GREB1L: variants seen among roughly 807,000 people sequenced by gnomAD.
GREB1L encodes GREB1 like retinoic acid receptor coactivator.
Under a neutral mutation model 200.8 loss-of-function variants are expected in GREB1L, and 17 were observed. The observed-to-expected ratio is 0.08, with a 90% confidence interval of 0.06 to 0.13. The LOEUF (loss-of-function observed/expected upper bound fraction) is 0.13. GREB1L is among the 10% of genes least tolerant of loss of function. The probability of loss-of-function intolerance (pLI) is 1.00; values close to 1 mark genes in which losing one functional copy is unlikely to be tolerated. For synonymous variants in GREB1L, 789 were observed against 893.0 expected, an observed-to-expected ratio of 0.88 and a Z score of 2.08; for missense variants, 1,657 against 2,367.7, an observed-to-expected ratio of 0.70 and a Z score of 6.23.
chr18:21,434,577 A>G (rs1211664455), intron 7 of GREB1L, among the ~76,000 whole-genome samples: 1 of 150,036 alleles, frequency 6.7e-6, no homozygotes, highest in Admixed American at 6.7e-5. Flanking sequence ...GTGTGTATAT[A>G]TATATATATA....
intron 1 of GREB1L, among the ~76,000 whole-genome samples, chr18:21,292,023 C>G (rs903681050): frequency 6.6e-6 from 1 of 152,122 alleles, no homozygotes; most frequent in Non-Finnish European, 1.5e-5. Flanking sequence ...AAGTATAGAA[C>G]AACATTTGAA....
At chr18:21,262,134 A>G (rs971863041) in intron 1 of GREB1L, among the ~76,000 whole-genome samples, 1 of 152,304 alleles carries the variant, frequency 6.6e-6, no homozygotes, top group African/African-American at 2.4e-5. Context: ...ACGGTCAGAC[A>G]CACTGGTTTT....
intron 24 of GREB1L, 84 bp downstream of exon 24, chr18:21,505,651 C>T (rs891893928): frequency 1.8e-5 from 26 of 1,454,248 alleles, no homozygotes; most frequent in Non-Finnish European, 1.6e-5. Context: ...TTTTCTTTCG[C>T]TCTTATGCGC....
intron 7 of GREB1L, among the ~76,000 whole-genome samples, chr18:21,418,106 T>G (rs1199919197): frequency 6.6e-6 from 1 of 152,166 alleles, no homozygotes; most frequent in African/African-American, 2.4e-5. Context: ...TAATATATTT[T>G]GGGTTTATAA....
chr18:21,298,921 C>T (rs967755340), intron 1 of GREB1L, among the ~76,000 whole-genome samples: 16 of 151,906 alleles, frequency 1.1e-4, no homozygotes, highest in Non-Finnish European at 1.9e-4. Context: ...AGCAACCAAG[C>T]GAGACCCTGT....
At chr18:21,268,560 C>CACACACACACAT (rs1204514384) in intron 1 of GREB1L, among the ~76,000 whole-genome samples, 15 of 63,528 alleles carry the variant, frequency 2.4e-4, no homozygotes, top group Non-Finnish European at 3.0e-4. Flanking sequence ...CACACACACA[C>CACACACACACAT]ATATATATAT....
intron 11 of GREB1L, among the ~76,000 whole-genome samples, chr18:21,448,941 C>T (rs1568020154): frequency 6.6e-6 from 1 of 152,088 alleles, no homozygotes; most frequent in Non-Finnish European, 1.5e-5. Flanking sequence ...ATCATGAAAG[C>T]GTTCTCTATC....
At chr18:21,484,083 TC>T (rs1248317488) in intron 17 of GREB1L, among the ~76,000 whole-genome samples, 1 of 151,908 alleles carries the variant, frequency 6.6e-6, no homozygotes, top group Non-Finnish European at 1.5e-5. Context: ...ACTTACTTTA[TC>T]CCTGGCCCAA....
At chr18:21,469,225 GT>G (rs1024023984) in intron 15 of GREB1L, among the ~76,000 whole-genome samples, 4 of 152,162 alleles carry the variant, frequency 2.6e-5, no homozygotes, top group Non-Finnish European at 5.9e-5. Context: ...ACTAGTAGGA[GT>G]TTGTTAATTA....
intron 7 of GREB1L, among the ~76,000 whole-genome samples, chr18:21,425,530 T>G (rs2032496834): frequency 6.6e-6 from 1 of 152,240 alleles, no homozygotes; most frequent in South Asian, 2.1e-4. Flanking sequence ...GGATTCAAAT[T>G]TCTCCATATC....
chr18:21,245,811 G>A (rs867392440), intron 1 of GREB1L, among the ~76,000 whole-genome samples: 4 of 152,074 alleles, frequency 2.6e-5, no homozygotes, highest in Non-Finnish European at 4.4e-5. Flanking sequence ...TCCGCCTTCC[G>A]GGTTCACGCC....
At chr18:21,281,616 AGACCCTT>A (rs1473160427) in intron 1 of GREB1L, among the ~76,000 whole-genome samples, 1 of 152,248 alleles carries the variant, frequency 6.6e-6, no homozygotes, top group Non-Finnish European at 1.5e-5. Context: ...TGCTATAAAC[AGACCCTT>A]GCATAAAATT....
chr18:21,278,275 G>T (rs976182277), intron 1 of GREB1L, among the ~76,000 whole-genome samples: 4 of 151,692 alleles, frequency 2.6e-5, no homozygotes, highest in African/African-American at 9.7e-5. Flanking sequence ...AGCTGCTTGG[G>T]AGGGTGAGGC....
At position 21,505,943 on chromosome 18, in the gene GREB1L, C is replaced by T. The variant is rs1233669540; in HGVS notation, c.4362C>T (p.Ala1454=). The change falls in exon 25 of 33, where the codon GCC becomes GCT. Residue 1454 remains alanine, a synonymous_variant. Transcript: ENST00000424526. Reference sequence around the variant, plus strand: ...GCCAGTACATGGACTTCACCTCTGCCTCCCAGGTACCATCCCACCTTCGCC... The same window carrying T: ...GCCAGTACATGGACTTCACCTCTGCTTCCCAGGTACCATCCCACCTTCGCC... ...QCRQYMDFTS[A]SQMSDSTLHA... is the part of the protein sequence containing the mutation. 3 of 1,551,482 alleles carry T rather than the reference C, an allele frequency of 1.9e-6. No homozygotes were observed. In the East Asian group the frequency reaches 7.3e-5, roughly 38 times the overall value.
At chr18:21,396,473 G>A (rs1223039318) in intron 5 of GREB1L, among the ~76,000 whole-genome samples, 2 of 152,130 alleles carry the variant, frequency 1.3e-5, no homozygotes, top group African/African-American at 4.8e-5. Context: ...ACTCTCTATA[G>A]TCATTGATAT....
At chr18:21,305,591 A>G (rs1233836470) in intron 1 of GREB1L, among the ~76,000 whole-genome samples, 1 of 152,080 alleles carries the variant, frequency 6.6e-6, no homozygotes, top group Non-Finnish European at 1.5e-5. Context: ...CTGTTACTTG[A>G]CTGACTACAA....
chr18:21,400,537 G>T (rs2041273787), intron 5 of GREB1L, among the ~76,000 whole-genome samples: 1 of 152,174 alleles, frequency 6.6e-6, no homozygotes, highest in African/African-American at 2.4e-5. Context: ...ATGGTTCTTG[G>T]TTCCCGTACC....
chr18:21,442,722 A>T (rs952221471), intron 10 of GREB1L, among the ~76,000 whole-genome samples: 1 of 152,052 alleles, frequency 6.6e-6, no homozygotes, highest in African/African-American at 2.4e-5. Flanking sequence ...AGGAACAGGG[A>T]TCTCCAAGCA....
At chr18:21,468,000 G>A (rs1277222452) in intron 15 of GREB1L, among the ~76,000 whole-genome samples, 7 of 150,402 alleles carry the variant, frequency 4.7e-5, no homozygotes, top group Admixed American at 4.0e-4. Flanking sequence ...ACTCCAGCCT[G>A]GGCAACAGAG....
Sources: gnomAD v4.1 joint callset for allele counts (sites outside exome capture counted in the v4.1 genomes callset) on GRCh38, gnomAD v4.1.1 for gene constraint, MANE v1.5 for transcripts, NCBI Gene and HGNC (gene_info 2026-07-23, HGNC 2026-07-21) for gene names.